The following RNF144A variants were observed in gnomAD, a reference collection of about 807,000 sequenced individuals.
The protein encoded by RNF144A is E3 ubiquitin-protein ligase RNF144A.
RNF144A carries 11 observed loss-of-function variants against 38.7 expected under a neutral mutation model. That is an observed-to-expected ratio of 0.28 (90% CI 0.18 to 0.47). The LOEUF (loss-of-function observed/expected upper bound fraction) is 0.47, where lower values mean the gene tolerates loss of function less well. RNF144A is among the 20% of genes least tolerant of loss of function. The pLI is 0.99. For synonymous variants in RNF144A, 149 were observed against 143.9 expected (o/e 1.04, Z -0.25); for missense variants, 316 against 377.2 (o/e 0.84, Z 1.34).
intron 1 of RNF144A, among the ~76,000 whole-genome samples, chr2:6,925,924 TG>T (rs1664835720): frequency 6.6e-6 from 1 of 152,228 alleles, no homozygotes; most frequent in Non-Finnish European, 1.5e-5. Context: ...CACATATATA[TG>T]TACCAGTATC....
chr2:6,953,699 T>C (rs984135593), intron 2 of RNF144A, among the ~76,000 whole-genome samples: 17 of 152,182 alleles, frequency 1.1e-4, no homozygotes, highest in Non-Finnish European at 1.9e-4. Context: ...GTTCTGTGTC[T>C]TTTTGAGAAA....
chr2:7,004,976 G>T (rs1670345964), intron 3 of RNF144A, among the ~76,000 whole-genome samples: 1 of 152,224 alleles, frequency 6.6e-6, no homozygotes, highest in South Asian at 2.1e-4. Flanking sequence ...GCAGGTAAGA[G>T]TGAGGTGGTT....
intron 2 of RNF144A, among the ~76,000 whole-genome samples, chr2:6,945,345 T>TCATAAC (rs140233772): frequency 0.02 from 3,020 of 152,340 alleles, 93 homozygotes; most frequent in African/African-American, 0.069. Context: ...TTACAATCAA[T>TCATAAC]CATAACCACA....
intron 3 of RNF144A, among the ~76,000 whole-genome samples, chr2:7,013,921 A>G (rs1385354543): frequency 1.3e-5 from 2 of 152,186 alleles, no homozygotes; most frequent in Non-Finnish European, 2.9e-5. Flanking sequence ...GATCATGGGC[A>G]TTTTGTCTGA....
downstream of RNF144A, among the ~76,000 whole-genome samples, chr2:7,068,937 G>T (rs1674348544): frequency 6.6e-6 from 1 of 152,218 alleles, no homozygotes; most frequent in African/African-American, 2.4e-5. Flanking sequence ...TCCGAGGTGA[G>T]TGTGTTTTCA....
intron 6 of RNF144A, among the ~76,000 whole-genome samples, chr2:7,049,592 C>T (rs1673439847): frequency 6.6e-6 from 1 of 152,212 alleles, no homozygotes; most frequent in Admixed American, 6.5e-5. Context: ...AGGTTGCAGT[C>T]AGAGTGGATC....
At chr2:6,973,632 A>G (rs945687588) in intron 2 of RNF144A, among the ~76,000 whole-genome samples, 5 of 152,198 alleles carry the variant, frequency 3.3e-5, no homozygotes, top group African/African-American at 1.2e-4. Context: ...GTGGAAATGG[A>G]ATTTTAGGAA....
At position 7,043,019 on chromosome 2, in the gene RNF144A, C is replaced by A; in HGVS notation, c.*3259C>A. 1 of 460,062 alleles carries A rather than the reference C, an allele frequency of 2.2e-6. No homozygotes were observed. The highest frequency in any genetic ancestry group is 2.9e-6 in the Non-Finnish European group (1 of 350,266). The allele number at this position is 460,062 out of a possible 1,614,324, so 28.5% of individuals were successfully genotyped here. A position where few individuals can be genotyped will look rare whatever the true frequency, so the allele number is the denominator to read the frequency against. The stretch of plus-strand genomic sequence containing the variant: ...AGTAGCTGGGATTACAGGCACCCAC[C>A]ACCTCACCCAGCTAATTTTTGTATT... On this transcript the variant is annotated 3_prime_UTR_variant, in exon 9 of 9. Transcript: ENST00000320892.
chr2:7,073,685 G>A, the RNF144A span, among the ~76,000 whole-genome samples: 3 of 152,220 alleles, frequency 2.0e-5, no homozygotes, highest in Admixed American at 1.3e-4. Context: ...TGTTAAGCAC[G>A]TACGCTATGC....
At chr2:6,918,573 G>C (rs914856411) in intron 1 of RNF144A, 1 of 151,470 alleles carries the variant, frequency 6.6e-6, no homozygotes, top group Non-Finnish European at 1.5e-5. Context: ...TCAGGAGATC[G>C]AGACCACGGT....
At chr2:7,001,715 A>C (rs1298399305) in intron 3 of RNF144A, among the ~76,000 whole-genome samples, 1 of 152,210 alleles carries the variant, frequency 6.6e-6, no homozygotes, top group Non-Finnish European at 1.5e-5. Flanking sequence ...TTTAATAGAC[A>C]GAATCTTTCC....
intron 2 of RNF144A, among the ~76,000 whole-genome samples, chr2:6,979,679 T>C (rs1165512567): frequency 6.6e-6 from 1 of 152,194 alleles, no homozygotes; most frequent in Non-Finnish European, 1.5e-5. Flanking sequence ...GGGTGATGTG[T>C]ACATGAAAAG....
intron 2 of RNF144A, among the ~76,000 whole-genome samples, chr2:6,970,419 C>A (rs1332012336): frequency 2.0e-5 from 3 of 152,222 alleles, no homozygotes; most frequent in African/African-American, 4.8e-5. Context: ...GAAGCCTCCC[C>A]AGCCATGTGG....
intron 3 of RNF144A, among the ~76,000 whole-genome samples, chr2:7,003,165 A>G (rs2103401427): frequency 6.6e-6 from 1 of 152,346 alleles, no homozygotes; most frequent in Non-Finnish European, 1.5e-5. Flanking sequence ...TGAGAATAAA[A>G]AAGTTGAGAA....
downstream of RNF144A, among the ~76,000 whole-genome samples, chr2:7,045,711 C>T (rs1414219984): frequency 6.6e-6 from 1 of 152,192 alleles, no homozygotes; most frequent in African/African-American, 2.4e-5. Context: ...CACAACTCAC[C>T]TCCATAGGAG....
chr2:7,047,005 T>C (rs1673333253), downstream of RNF144A, among the ~76,000 whole-genome samples: 1 of 152,242 alleles, frequency 6.6e-6, no homozygotes, highest in Admixed American at 6.5e-5. Context: ...ATTTATCAGC[T>C]TATCACAACT....
intron 2 of RNF144A, among the ~76,000 whole-genome samples, chr2:6,966,774 T>G (rs1345521826): frequency 6.6e-6 from 1 of 152,116 alleles, no homozygotes; most frequent in Non-Finnish European, 1.5e-5. Flanking sequence ...ACAGGATAAT[T>G]AGGAAGTCCA....
At chr2:6,994,572 G>A (rs1022167234) in intron 2 of RNF144A, among the ~76,000 whole-genome samples, 26 of 152,138 alleles carry the variant, frequency 1.7e-4, no homozygotes, top group African/African-American at 6.0e-4. Context: ...ATGACCCTGG[G>A]GAGGACGCCT....
intron 6 of RNF144A, among the ~76,000 whole-genome samples, chr2:7,050,775 A>G (rs1481879232): frequency 2.6e-5 from 4 of 152,170 alleles, no homozygotes; most frequent in African/African-American, 7.2e-5. Flanking sequence ...ACTGGCCTCC[A>G]TGGGGAAGAC....
Sources: gnomAD v4.1 joint callset for allele counts (sites outside exome capture counted in the v4.1 genomes callset) on GRCh38, gnomAD v4.1.1 for gene constraint, MANE v1.5 for transcripts, NCBI Gene and HGNC (gene_info 2026-07-23, HGNC 2026-07-21) for gene names.